The following LOC400499 variants were observed in gnomAD, a reference collection of about 807,000 sequenced individuals.
chr16:11,418,995 G>A, the LOC400499 span, among the ~76,000 whole-genome samples: 2 of 152,132 alleles, frequency 1.3e-5, no homozygotes, highest in Non-Finnish European at 2.9e-5. Context: ...GCAAAACCCC[G>A]TCTCTACTAA....
the LOC400499 span, among the ~76,000 whole-genome samples, chr16:11,466,113 C>T: frequency 6.6e-6 from 1 of 152,156 alleles, no homozygotes; most frequent in East Asian, 1.9e-4. Flanking sequence ...ATTTGCGCTA[C>T]ACAGGAGGCA....
At chr16:11,395,770 G>A in the LOC400499 span, among the ~76,000 whole-genome samples, 2 of 152,186 alleles carry the variant, frequency 1.3e-5, no homozygotes, top group Non-Finnish European at 2.9e-5. Flanking sequence ...TGGCCAGGGA[G>A]ACAGAGGAGG....
chr16:11,446,983 C>G, the LOC400499 span: 1 of 1,457,644 alleles, frequency 6.9e-7, no homozygotes, highest in Non-Finnish European at 9.1e-7. Flanking sequence ...TTGTGCCCCA[C>G]GGTCTCAGCC....
chr16:11,500,614 C>T, the LOC400499 span, among the ~76,000 whole-genome samples: 3 of 152,038 alleles, frequency 2.0e-5, no homozygotes, highest in Admixed American at 2.0e-4. Context: ...GACCCTTGAA[C>T]CCGGAATTCT....
At chr16:11,375,207 C>A in the LOC400499 span, among the ~76,000 whole-genome samples, 1 of 143,256 alleles carries the variant, frequency 7.0e-6, no homozygotes, top group Non-Finnish European at 1.5e-5. Flanking sequence ...ATTTTATACT[C>A]CCCGTAAGAA....
chr16:11,399,311 T>C, the LOC400499 span: 3 of 902,452 alleles, frequency 3.3e-6, no homozygotes, highest in Non-Finnish European at 4.0e-6. Context: ...AAGGGAACCA[T>C]TTCACAGATG....
chr16:11,506,567 G>C, the LOC400499 span, among the ~76,000 whole-genome samples: 1 of 152,130 alleles, frequency 6.6e-6, no homozygotes, highest in South Asian at 2.1e-4. Context: ...TGGAGAAGTT[G>C]GCCCTGCTGG....
the LOC400499 span, among the ~76,000 whole-genome samples, chr16:11,518,455 C>T: frequency 1.8e-4 from 28 of 151,672 alleles, no homozygotes; most frequent in Non-Finnish European, 3.4e-4. Flanking sequence ...TCGGCAGAGT[C>T]GGGGAGGGGA....
At chr16:11,447,891 G>A in the LOC400499 span, 11 of 1,509,894 alleles carry the variant, frequency 7.3e-6, no homozygotes, top group Non-Finnish European at 9.7e-6. Flanking sequence ...TAGAGAAGGG[G>A]AAACTTGCAG....
At chr16:11,491,536 C>T in the LOC400499 span, among the ~76,000 whole-genome samples, 3 of 151,038 alleles carry the variant, frequency 2.0e-5, no homozygotes, top group Non-Finnish European at 4.4e-5. Context: ...GAATACATAG[C>T]CCCTTATCTA....
At chr16:11,493,720 G>C in the LOC400499 span, 3 of 396,558 alleles carry the variant, frequency 7.6e-6, no homozygotes, top group Non-Finnish European at 1.3e-5. Context: ...TCTCAGAGAT[G>C]CACAGGCACT....
chr16:11,385,703 C>T, the LOC400499 span, among the ~76,000 whole-genome samples: 2 of 152,346 alleles, frequency 1.3e-5, no homozygotes, highest in Admixed American at 1.3e-4. Flanking sequence ...GCTCAAATGC[C>T]ACAGGGTCTA....
chr16:11,448,865 C>A, the LOC400499 span: 11 of 1,342,268 alleles, frequency 8.2e-6, no homozygotes, highest in Non-Finnish European at 1.1e-5. Flanking sequence ...AGGTAGGAAA[C>A]CGAGGTGAGG....
chr16:11,372,364 T>G, the LOC400499 span: 1 of 152,284 alleles, frequency 6.6e-6, no homozygotes, highest in Non-Finnish European at 1.5e-5. Flanking sequence ...TCTGAAGCAG[T>G]GGCTTCCCAA....
chr16:11,478,081 G>GT, the LOC400499 span: 1 of 396,020 alleles, frequency 2.5e-6, no homozygotes, highest in Non-Finnish European at 4.5e-6. Flanking sequence ...GGGAGGCCGA[G>GT]ACGGGTGGAT....
At chr16:11,474,663 C>G in the LOC400499 span, among the ~76,000 whole-genome samples, 1 of 150,456 alleles carries the variant, frequency 6.6e-6, no homozygotes, top group Non-Finnish European at 1.5e-5. Context: ...AGTTCGAGAC[C>G]AGCCTGGATA....
chr16:11,413,720 A>G, the LOC400499 span, among the ~76,000 whole-genome samples: 58,542 of 151,968 alleles, frequency 0.39, 11,688 homozygotes, highest in Non-Finnish European at 0.46. Context: ...GACCATCAGC[A>G]TCTTCTTCTT....
chr16:11,386,023 G>T, the LOC400499 span, among the ~76,000 whole-genome samples: 2 of 152,140 alleles, frequency 1.3e-5, no homozygotes, highest in Non-Finnish European at 2.9e-5. Flanking sequence ...ACAACAGAGT[G>T]AGACCTAGTC....
the LOC400499 span, among the ~76,000 whole-genome samples, chr16:11,482,452 C>A: frequency 6.6e-6 from 1 of 152,148 alleles, no homozygotes; most frequent in African/African-American, 2.4e-5. Context: ...ATGTAACAGT[C>A]AAAGCTCTAT....
Sources: allele counts gnomAD v4.1 joint callset (sites outside exome capture counted in the v4.1 genomes callset), GRCh38; gene constraint gnomAD v4.1.1; transcripts MANE v1.5.